The following HECW1 variants were observed in gnomAD, a reference collection of about 807,000 sequenced individuals.
HECW1 encodes HECT, C2 and WW domain containing E3 ubiquitin protein ligase 1, also known as E3 ubiquitin-protein ligase HECW1.
A neutral mutation model predicts 182.3 loss-of-function variants in HECW1; 61 were observed. That is an observed-to-expected ratio of 0.33 (90% confidence interval 0.27 to 0.41). The LOEUF (loss-of-function observed/expected upper bound fraction) is 0.41, where lower values mean the gene tolerates loss of function less well. Among genes scored for constraint, HECW1 ranks in the 10% least tolerant of loss-of-function variants. The pLI is 1.00. For missense variants in HECW1, 1,739 were observed against 2,108.9 expected (o/e 0.82, Z 3.44); for synonymous variants, 859 against 832.6 (o/e 1.03, Z -0.55).
chr7:43,530,798 A>G (rs2080951847), intron 24 of HECW1, among the ~76,000 whole-genome samples: 1 of 152,110 alleles, frequency 6.6e-6, no homozygotes, highest in East Asian at 1.9e-4. Context: ...CTGCTGATTT[A>G]CCTCCAAATT....
At chr7:43,414,163 T>C (rs925117000) in intron 8 of HECW1, among the ~76,000 whole-genome samples, 1 of 151,478 alleles carries the variant, frequency 6.6e-6, no homozygotes, top group Non-Finnish European at 1.5e-5. Flanking sequence ...CTTGAAGAGG[T>C]CCTTCACATC....
At chr7:43,277,108 TTTTATA>T (rs1803256632) in intron 3 of HECW1, among the ~76,000 whole-genome samples, 1 of 152,172 alleles carries the variant, frequency 6.6e-6, no homozygotes, top group African/African-American at 2.4e-5. Context: ...TAAGAACAGA[TTTTATA>T]ATATATGTGA....
chr7:43,115,702 G>T (rs567538175), intron 2 of HECW1, among the ~76,000 whole-genome samples: 91 of 152,306 alleles, frequency 6.0e-4, no homozygotes, highest in African/African-American at 2.1e-3. Context: ...GTTGATTCAT[G>T]CTTAGCCACA....
At chr7:43,479,430 A>G (rs2078338749) in intron 16 of HECW1, among the ~76,000 whole-genome samples, 180 bp from the exon 17 acceptor site, 1 of 152,192 alleles carries the variant, frequency 6.6e-6, no homozygotes, top group Non-Finnish European at 1.5e-5. Context: ...TGTGCAGCCA[A>G]GTTTTTAACC....
intron 6 of HECW1, among the ~76,000 whole-genome samples, chr7:43,373,869 C>T (rs1187397101): frequency 2.6e-5 from 4 of 152,180 alleles, no homozygotes; most frequent in Non-Finnish European, 5.9e-5. Flanking sequence ...CTAGGCACCT[C>T]ATATAGGAGG....
In HECW1 at chr7:43,243,188, T is replaced by G. The variant is rs752854105; in HGVS notation, c.-31-687T>G. Among the ~76,000 whole-genome samples, 15 of 152,068 alleles carry G rather than the reference T, an allele frequency of 9.9e-5. No individual in the cohort carries two copies. Among genetic ancestry groups the G allele is most frequent in the Non-Finnish European group, 1.9e-4 (13 of 68,006 alleles). On this transcript the variant is annotated intron_variant, in intron 2 of 29. Coordinates refer to ENST00000395891, the MANE Select transcript of HECW1 (RefSeq NM_015052.5). The surrounding 1 kb of genome is among the most constrained non-coding windows in gnomAD (Gnocchi z 4.0). ...AAGACGTATGAACCAAAACAATACC[T>G]GGATTAAGAGGGCCCTGACAGATGA...
chr7:43,306,937 CAAGATTAAGAAA>C (rs1348045998), intron 3 of HECW1, among the ~76,000 whole-genome samples: 1 of 151,828 alleles, frequency 6.6e-6, no homozygotes, highest in Non-Finnish European at 1.5e-5. Context: ...AGGCCTATTC[CAAGATTAAGAAA>C]AAAAGAAAAA....
At chr7:43,119,421 G>A (rs1321518417) in intron 2 of HECW1, among the ~76,000 whole-genome samples, 1 of 152,134 alleles carries the variant, frequency 6.6e-6, no homozygotes, top group Non-Finnish European at 1.5e-5. Context: ...TCTTTGGATG[G>A]CCCCTGAGTT....
intron 2 of HECW1, among the ~76,000 whole-genome samples, chr7:43,222,308 C>G (rs1047116290): frequency 6.6e-6 from 1 of 152,214 alleles, no homozygotes; most frequent in Non-Finnish European, 1.5e-5. Flanking sequence ...ACCAAGTCAG[C>G]TTTCCTTCCA....
rs191159992 is a variant in HECW1, at chr7:43,350,247, C to T, written c.461-10639C>T. ...TGAGAAATCTGCTGTCAATCTGATA[C>T]GTTTTCCTTTATAGTTTACCTGGTG... is the stretch of plus-strand genomic sequence containing the variant. On this transcript the variant is annotated intron_variant, in intron 5 of 29. Coordinates refer to ENST00000395891, the MANE Select transcript of HECW1 (RefSeq NM_015052.5). Among the ~76,000 whole-genome samples, 6 of 152,272 alleles carry T rather than the reference C, an allele frequency of 3.9e-5. No individual in the cohort carries two copies. The East Asian group carries it at 9.6e-4, about 24-fold the overall frequency.
At chr7:43,340,412 G>T (rs916267485) in intron 5 of HECW1, among the ~76,000 whole-genome samples, 16 of 150,844 alleles carry the variant, frequency 1.1e-4, no homozygotes, top group Admixed American at 3.9e-4. Context: ...GTAGAGACGG[G>T]GGTTCACCAT....
intron 17 of HECW1, among the ~76,000 whole-genome samples, chr7:43,491,155 A>G (rs562968419): frequency 2.6e-5 from 4 of 152,352 alleles, no homozygotes; most frequent in East Asian, 3.9e-4. Context: ...AGCTGAACCA[A>G]GATATTGGAA....
intron 2 of HECW1, among the ~76,000 whole-genome samples, chr7:43,144,148 G>A (rs1385052529): frequency 6.6e-6 from 1 of 152,160 alleles, no homozygotes; most frequent in African/African-American, 2.4e-5. Flanking sequence ...TGACAGTTTT[G>A]AAGAATGTTC....
At chr7:43,191,315 A>G (rs1317808237) in intron 2 of HECW1, among the ~76,000 whole-genome samples, 1 of 152,216 alleles carries the variant, frequency 6.6e-6, no homozygotes, top group African/African-American at 2.4e-5. Context: ...ATTGACATAC[A>G]CTAGCTCTAT....
chr7:43,360,215 CTTT>C (rs5883864), intron 5 of HECW1, among the ~76,000 whole-genome samples: 1 of 141,956 alleles, frequency 7.0e-6, no homozygotes, highest in Non-Finnish European at 1.5e-5. Context: ...ATAGAACTTT[CTTT>C]TTTTTTTTTT....
chr7:43,286,433 A>G (rs141442041), intron 3 of HECW1, among the ~76,000 whole-genome samples: 2 of 152,200 alleles, frequency 1.3e-5, no homozygotes, highest in Non-Finnish European at 2.9e-5. Flanking sequence ...TGACTTCTGC[A>G]TTTTCCTTTC....
chr7:43,465,298 T>C (rs1039018890), intron 14 of HECW1, among the ~76,000 whole-genome samples: 2 of 152,308 alleles, frequency 1.3e-5, no homozygotes, highest in Middle Eastern at 3.4e-3. Context: ...GTTCTACAGG[T>C]TGGCAATTTG....
intron 5 of HECW1, among the ~76,000 whole-genome samples, chr7:43,330,447 T>C (rs1811321795): frequency 6.6e-6 from 1 of 152,192 alleles, no homozygotes; most frequent in Admixed American, 6.5e-5. Flanking sequence ...AGCCCACACC[T>C]CACAGAACTT....
At chr7:43,344,473 A>AAGCT (rs1813417542) in intron 5 of HECW1, among the ~76,000 whole-genome samples, 1 of 147,344 alleles carries the variant, frequency 6.8e-6, no homozygotes. Context: ...CTTTGAAGGT[A>AAGCT]AGCTAGCTTT....
Sources: gnomAD v4.1 joint callset for allele counts (sites outside exome capture counted in the v4.1 genomes callset) on GRCh38, gnomAD v4.1.1 for gene constraint, Gnocchi (gnomAD v3.1) non-coding constraint, MANE v1.5 for transcripts, NCBI Gene and HGNC (gene_info 2026-07-23, HGNC 2026-07-21) for gene names.